SUGP1: variants seen among roughly 807,000 people sequenced by gnomAD.
SUGP1 encodes SURP and G-patch domain-containing protein 1.
SUGP1 carries 34 observed loss-of-function variants against 76.5 expected under a neutral mutation model. The observed-to-expected ratio is 0.44, with a 90% confidence interval of 0.34 to 0.59. The LOEUF is 0.59. Among genes scored for constraint, SUGP1 ranks in the 20% least tolerant of loss-of-function variants. SUGP1 has a pLI of 0.01. For missense variants in SUGP1, 752 were observed against 851.7 expected, an observed-to-expected ratio of 0.88 and a Z score of 1.46; for synonymous variants, 326 against 326.2, an observed-to-expected ratio of 1.00 and a Z score of 0.01.
chr19:19,280,449 C>T (rs1298468380), intron 8 of SUGP1, 158 bp from the exon 9 acceptor site: 11 of 661,818 alleles, frequency 1.7e-5, no homozygotes, highest in East Asian at 8.2e-5. Context: ...GTGACGGCCT[C>T]GGGGTCCCGC....
intron 3 of SUGP1, among the ~76,000 whole-genome samples, chr19:19,307,960 CAGTG>C (rs1339786785): frequency 6.6e-6 from 1 of 152,118 alleles, no homozygotes; most frequent in Non-Finnish European, 1.5e-5. Flanking sequence ...CCACTGTGCC[CAGTG>C]AGTATTTTTC....
chr19:19,313,626 T>C (rs1304895123), intron 2 of SUGP1, among the ~76,000 whole-genome samples: 2 of 152,128 alleles, frequency 1.3e-5, no homozygotes, highest in African/African-American at 4.8e-5. Flanking sequence ...GGAAGATAGC[T>C]TGAGTCCAGG....
intron 8 of SUGP1, among the ~76,000 whole-genome samples, chr19:19,282,416 T>G (rs147647840): frequency 6.8e-6 from 1 of 146,970 alleles, no homozygotes; most frequent in African/African-American, 2.5e-5. Context: ...CTAGGCAACA[T>G]AGTAAGACCC....
chr19:19,303,761 C>G lies in SUGP1; in HGVS notation c.625G>C (p.Val209Leu), dbSNP rs1255583240. Residue 209 changes from valine to leucine, a missense_variant, in exon 5 of 14, where the codon GTA becomes CTA. By Grantham distance (32) the Val-to-Leu change is conservative (BLOSUM62 1). This residue lies in a region of SUGP1 where 620 missense variants were observed against 617.3 expected (regional missense o/e 1.00). Coordinates refer to ENST00000247001, the MANE Select transcript of SUGP1 (RefSeq NM_172231.4). ...TTATCCTTGTAGTCCTCCATAGCTA[C>G]TTTTTCTAACTCGGGGCCTCCTTCT... is the stretch of plus-strand genomic sequence containing the variant. ...VAEGGPELEK[V>L]AMEDYKDNPA... 2 of 1,614,224 alleles carry G rather than the reference C, an allele frequency of 1.2e-6. No individual in the cohort carries two copies. The highest frequency in any genetic ancestry group is 8.5e-7 in the Non-Finnish European group (1 of 1,180,042).
chr19:19,306,818 G>C (rs1436958269), intron 3 of SUGP1, among the ~76,000 whole-genome samples: 3 of 152,232 alleles, frequency 2.0e-5, no homozygotes, highest in African/African-American at 7.2e-5. Flanking sequence ...GGCCAGGTGA[G>C]GACCTGGAGA....
intron 8 of SUGP1, among the ~76,000 whole-genome samples, chr19:19,296,516 G>A (rs922719808): frequency 7.9e-5 from 12 of 151,768 alleles, no homozygotes; most frequent in African/African-American, 2.9e-4. Flanking sequence ...GCATGGTGGC[G>A]GGCACCTGTA....
At chr19:19,294,801 A>T (rs2061212532) in intron 8 of SUGP1, among the ~76,000 whole-genome samples, 1 of 152,118 alleles carries the variant, frequency 6.6e-6, no homozygotes, top group South Asian at 2.1e-4. Flanking sequence ...CAGTTCAAAA[A>T]AAAAAAACTG....
chr19:19,302,052 A>G, intron 7 of SUGP1: 1 of 645,768 alleles, frequency 1.5e-6, no homozygotes, highest in Non-Finnish European at 2.5e-6. Flanking sequence ...GGCCCCGTGC[A>G]CCTGCCTCAG....
At chr19:19,319,253 AT>A (rs1372278318) in intron 1 of SUGP1, among the ~76,000 whole-genome samples, 1 of 151,722 alleles carries the variant, frequency 6.6e-6, no homozygotes, top group African/African-American at 2.4e-5. Flanking sequence ...CTAAAAGGCC[AT>A]TTTCAAGGCC....
At chr19:19,320,245 A>G (rs2061432309) in intron 1 of SUGP1, among the ~76,000 whole-genome samples, 1 of 152,188 alleles carries the variant, frequency 6.6e-6, no homozygotes. Context: ...GGCGGCCTCT[A>G]CGGAGATCCG....
chr19:19,296,393 G>A (rs1024070756), intron 8 of SUGP1, among the ~76,000 whole-genome samples: 2 of 149,578 alleles, frequency 1.3e-5, no homozygotes, highest in African/African-American at 2.5e-5. Context: ...CCATCTCTAC[G>A]TCCCAGCACT....
intron 8 of SUGP1, among the ~76,000 whole-genome samples, chr19:19,292,918 T>C (rs1191931315): frequency 6.6e-6 from 1 of 152,086 alleles, no homozygotes; most frequent in Non-Finnish European, 1.5e-5. Flanking sequence ...ATTTACTTTT[T>C]TTTTTTGAGA....
chr19:19,299,400 T>C (rs1207893510), intron 7 of SUGP1, among the ~76,000 whole-genome samples: 1 of 151,850 alleles, frequency 6.6e-6, no homozygotes, highest in East Asian at 1.9e-4. Flanking sequence ...TGAGACGGAG[T>C]CTTGCTCTGT....
intron 7 of SUGP1, among the ~76,000 whole-genome samples, chr19:19,300,395 T>C (rs2061262068): frequency 6.6e-6 from 1 of 152,226 alleles, no homozygotes; most frequent in African/African-American, 2.4e-5. Context: ...TTTATAGCCA[T>C]GCAGTTGGTT....
intron 1 of SUGP1, among the ~76,000 whole-genome samples, chr19:19,319,177 G>A (rs769110567): frequency 6.6e-6 from 1 of 152,106 alleles, no homozygotes; most frequent in Non-Finnish European, 1.5e-5. Context: ...AGCCGACATC[G>A]TGCCACTGCA....
chr19:19,310,476 A>T (rs1341620956), intron 2 of SUGP1, among the ~76,000 whole-genome samples: 1 of 152,198 alleles, frequency 6.6e-6, no homozygotes, highest in African/African-American at 2.4e-5. Context: ...TTAACCCTCC[A>T]GGTCCAAATG....
At chr19:19,287,335 C>T (rs760931901) in intron 8 of SUGP1, among the ~76,000 whole-genome samples, 5 of 151,716 alleles carry the variant, frequency 3.3e-5, no homozygotes, top group East Asian at 3.9e-4. Flanking sequence ...CTGAGGTGGG[C>T]GGATCACTTG....
intron 3 of SUGP1, among the ~76,000 whole-genome samples, chr19:19,309,066 C>T (rs1440649794): frequency 6.6e-6 from 1 of 152,032 alleles, no homozygotes; most frequent in African/African-American, 2.4e-5. Flanking sequence ...AGGGTTTCAC[C>T]ATGTTGGTCA....
intron 4 of SUGP1, chr19:19,305,619 G>C (rs2061310196): frequency 2.2e-6 from 1 of 455,002 alleles, no homozygotes; most frequent in Non-Finnish European, 3.9e-6. Context: ...GGATCCCGCT[G>C]CTCCCAAGAT....
Sources: gnomAD v4.1 joint callset for allele counts (sites outside exome capture counted in the v4.1 genomes callset) on GRCh38, gnomAD v4.1.1 for gene constraint, gnomAD v4.1.1 regional missense constraint, MANE v1.5 for transcripts, NCBI Gene and HGNC (gene_info 2026-07-23, HGNC 2026-07-21) for gene names.